CDH18: variants seen among roughly 807,000 people sequenced by gnomAD.
The protein encoded by CDH18 is cadherin-18.
A neutral mutation model predicts 67.9 loss-of-function variants in CDH18; 31 were observed. The ratio of observed to expected loss-of-function variants is 0.46; its 90% CI spans 0.34 to 0.62. The LOEUF (loss-of-function observed/expected upper bound fraction) is 0.62. Among genes scored for constraint, CDH18 ranks in the 20% least tolerant of loss-of-function variants. CDH18 has a pLI of 0.01. For synonymous variants in CDH18, 362 were observed against 347.2 expected, an observed-to-expected ratio of 1.04 and a Z score of -0.48; for missense variants, 890 against 975.5, an observed-to-expected ratio of 0.91 and a Z score of 1.17.
chr5:20,195,459 A>T (rs1288075402), intron 2 of CDH18, among the ~76,000 whole-genome samples: 1 of 152,044 alleles, frequency 6.6e-6, no homozygotes, highest in Non-Finnish European at 1.5e-5. Context: ...GGTCTCAGAA[A>T]CTACCTGTCA....
intron 1 of CDH18, among the ~76,000 whole-genome samples, chr5:20,502,621 G>T (rs776720555): frequency 6.6e-6 from 1 of 152,144 alleles, no homozygotes; most frequent in Non-Finnish European, 1.5e-5. Flanking sequence ...ATTCATTCAA[G>T]CATTGGTAGA....
intron 2 of CDH18, among the ~76,000 whole-genome samples, chr5:20,053,174 C>T (rs761796036): frequency 2.0e-5 from 3 of 151,580 alleles, no homozygotes; most frequent in Non-Finnish European, 2.9e-5. Context: ...ATTTCTGAAA[C>T]GCTTTTAAAA....
intron 2 of CDH18, among the ~76,000 whole-genome samples, chr5:20,036,146 T>C (rs1461609225): frequency 6.6e-6 from 1 of 152,010 alleles, no homozygotes; most frequent in Non-Finnish European, 1.5e-5. Context: ...ATAAAATAGA[T>C]TCATGACAAT....
intron 5 of CDH18, among the ~76,000 whole-genome samples, chr5:19,686,598 C>T (rs1336436121): frequency 6.6e-6 from 1 of 152,050 alleles, no homozygotes; most frequent in African/African-American, 2.4e-5. Flanking sequence ...TGTCTGTGTT[C>T]ACCTAGTGTT....
At chr5:19,667,804 A>C (rs1758173414) in intron 5 of CDH18, among the ~76,000 whole-genome samples, 1 of 151,842 alleles carries the variant, frequency 6.6e-6, no homozygotes, top group African/African-American at 2.4e-5. Context: ...ATGATTTTCT[A>C]ACCTTCTGAT....
intron 2 of CDH18, among the ~76,000 whole-genome samples, chr5:20,240,969 C>T (rs1185184176): frequency 6.6e-6 from 1 of 152,110 alleles, no homozygotes; most frequent in Non-Finnish European, 1.5e-5. Flanking sequence ...ATATATTCAT[C>T]AAATGGTGAA....
rs1189872904 is a variant in CDH18, at chr5:20,217,148, T to A, written c.-518+38296A>T. 3.3e-5 allele frequency among the ~76,000 whole-genome samples: 5 copies of A among 151,864 alleles called. No individual in the cohort carries two copies. In the East Asian group the frequency reaches 9.6e-4, roughly 29 times the overall value. ...TACTACAGAAAATGCTAAAGAGAGT[T>A]CTTCAATCTGAAAGAAAAAGACATT... On this transcript the variant is annotated intron_variant, in intron 2 of 14. Coordinates refer to the CDH18 transcript ENST00000507958.
rs776657119 is a variant in CDH18 at position 19,811,162 on chromosome 5, G to GAA, written c.228+27596_228+27597insTT. Among the ~76,000 whole-genome samples, 30 of 6,838 alleles carry GAA rather than the reference G, an allele frequency of 4.4e-3. 1 individual carries two copies. The highest frequency in any genetic ancestry group is 0.027 in the South Asian group (10 of 364). 4.5% of individuals were successfully genotyped at this position (6,838 alleles called of 152,430 possible). On this transcript the variant is annotated intron_variant, in intron 3 of 12. Transcript: ENST00000382275. ...AGAAAGAAAGAAAGAAAGAAAGAAG[G>GAA]AGAGAAAGAAAGAGAAGAAAGAGGG...
rs79331288 is a variant in CDH18, at chr5:19,899,649, A to C, written c.-256-60407T>G. 6.4e-3 allele frequency among the ~76,000 whole-genome samples: 967 copies of C among 152,256 alleles called. 24 individuals carry two copies. The highest frequency in any genetic ancestry group is 0.038 in the East Asian group (194 of 5,168). On this transcript the variant is annotated intron_variant, in intron 2 of 12. Transcript: ENST00000382275. ...GATCTCAAAGAGTAATAGCACTCCT[A>C]TGCTCATTGCAGCACTATTTATAAT...
intron 1 of CDH18, among the ~76,000 whole-genome samples, chr5:20,472,514 C>A (rs1357501867): frequency 6.6e-6 from 1 of 152,136 alleles, no homozygotes; most frequent in Non-Finnish European, 1.5e-5. Context: ...CTGTACTTTC[C>A]ATTCAATTTT....
intron 2 of CDH18, among the ~76,000 whole-genome samples, chr5:20,028,447 T>C (rs1430641096): frequency 6.6e-6 from 1 of 152,158 alleles, no homozygotes; most frequent in Non-Finnish European, 1.5e-5. Flanking sequence ...CTTAGTGAGA[T>C]ATATATCTAC....
rs200744691 is a variant in CDH18, at chr5:20,095,447, A to G, written c.-517-103433T>C. Among the ~76,000 whole-genome samples, 129 of 111,642 alleles carry G rather than the reference A, an allele frequency of 1.2e-3. 1 individual carries two copies. Among genetic ancestry groups the G allele is most frequent in the African/African-American group, 2.4e-3 (72 of 29,418 alleles). The allele number at this position is 111,642 out of a possible 152,430, so 73.2% of individuals were successfully genotyped here. A position where few individuals can be genotyped will look rare whatever the true frequency, so the allele number is the denominator to read the frequency against. The stretch of plus-strand genomic sequence containing the variant: ...AGAAAGAAAGAAAGAAAGAAAGAAA[A>G]GAAAGAAAGAAAGAAGAAAGAAGGA... On this transcript the variant is annotated intron_variant, in intron 2 of 14. Coordinates refer to the CDH18 transcript ENST00000507958.
intron 1 of CDH18, among the ~76,000 whole-genome samples, chr5:20,311,301 T>C (rs1272787398): frequency 6.6e-6 from 1 of 152,158 alleles, no homozygotes; most frequent in Non-Finnish European, 1.5e-5. Context: ...ACTGGGTATA[T>C]ACCCAAAGGA....
chr5:20,556,087 T>C (rs1561126970), intron 1 of CDH18, among the ~76,000 whole-genome samples: 1 of 152,206 alleles, frequency 6.6e-6, no homozygotes, highest in Non-Finnish European at 1.5e-5. Flanking sequence ...TGTGATTTTC[T>C]AAATGTTTTT....
chr5:19,883,417 T>C (rs903370833), intron 2 of CDH18, among the ~76,000 whole-genome samples: 1 of 150,564 alleles, frequency 6.6e-6, no homozygotes, highest in East Asian at 2.0e-4. Context: ...ACACAATGAC[T>C]ATCCATTGAT....
chr5:20,317,156 C>CT (rs960140159), intron 1 of CDH18, among the ~76,000 whole-genome samples: 5 of 151,812 alleles, frequency 3.3e-5, no homozygotes, highest in East Asian at 1.9e-4. Flanking sequence ...AGAATTTTAT[C>CT]TTTTTTTTGA....
chr5:19,994,780 G>T (rs1225054123), intron 2 of CDH18, among the ~76,000 whole-genome samples: 2 of 79,362 alleles, frequency 2.5e-5, no homozygotes, highest in African/African-American at 1.1e-4. Context: ...GAGAGAGAGA[G>T]AGAGAGAGAG....
chr5:19,697,237 A>T (rs1436455195), intron 5 of CDH18, among the ~76,000 whole-genome samples: 3 of 152,214 alleles, frequency 2.0e-5, no homozygotes, highest in African/African-American at 7.2e-5. Flanking sequence ...CAATTGCTGC[A>T]GGTGATTCTC....
At chr5:20,364,371 A>T (rs1742343722) in intron 1 of CDH18, among the ~76,000 whole-genome samples, 1 of 152,180 alleles carries the variant, frequency 6.6e-6, no homozygotes, top group Non-Finnish European at 1.5e-5. Flanking sequence ...ATTAAAAAAT[A>T]GAATGAAGAC....
Sources: gnomAD v4.1 joint callset for allele counts (sites outside exome capture counted in the v4.1 genomes callset) on GRCh38, gnomAD v4.1.1 for gene constraint, MANE v1.5 for transcripts, NCBI Gene and HGNC (gene_info 2026-07-23, HGNC 2026-07-21) for gene names.